Variants in ASB15 observed in about 807,000 individuals in gnomAD.
The protein encoded by ASB15 is ankyrin repeat and SOCS box containing 15.
ASB15 carries 54 observed loss-of-function variants against 58.0 expected under a neutral mutation model. That is an observed-to-expected ratio of 0.93 (90% CI 0.75 to 1.17). The LOEUF (loss-of-function observed/expected upper bound fraction) is 1.17. Among genes scored for constraint, ASB15 ranks in the 50% most tolerant of loss-of-function variants. The pLI is 0.00. For missense variants in ASB15, 680 were observed against 707.4 expected, an observed-to-expected ratio of 0.96 and a Z score of 0.44; for synonymous variants, 249 against 262.4, an observed-to-expected ratio of 0.95 and a Z score of 0.50.
At chr7:123,573,736 C>A (rs1798981278) in intron 1 of ASB15, among the ~76,000 whole-genome samples, 1 of 152,034 alleles carries the variant, frequency 6.6e-6, no homozygotes, top group African/African-American at 2.4e-5. Context: ...TTCCCATTAT[C>A]CAGAAAGTCT....
intron 10 of ASB15, 54 bp from the exon 11 acceptor site, chr7:123,629,912 T>G: frequency 1.7e-6 from 2 of 1,183,408 alleles, no homozygotes; most frequent in Non-Finnish European, 2.3e-6. Flanking sequence ...AATTGAGTGT[T>G]TATGTATATG....
At chr7:123,602,082 A>G (rs561052117) in intron 1 of ASB15, among the ~76,000 whole-genome samples, 168 bp downstream of exon 1, 15 of 152,120 alleles carry the variant, frequency 9.9e-5, no homozygotes, top group Non-Finnish European at 1.8e-4. Context: ...TTAATTAGAG[A>G]CTAAAGCTAG....
rs144940406 is a variant in ASB15, at chr7:123,578,582, AT to A, written c.-443+11499del. Among the ~76,000 whole-genome samples, 1,226 of 152,082 alleles carry A rather than the reference AT, an allele frequency of 8.1e-3. 15 individuals are homozygous for A. The highest frequency in any genetic ancestry group is 0.028 in the African/African-American group (1,144 of 41,486). On this transcript the variant is annotated intron_variant, in intron 1 of 13. Transcript: ENST00000451558. ...TTCTAACTATTATCACCAGACTGATATTTTTCCTTATTATGGAGACCTTTGC... is the reference window on the plus strand; with the variant it reads ...TTCTAACTATTATCACCAGACTGATATTTTCCTTATTATGGAGACCTTTGC...
chr7:123,633,646 C>A (rs760537349), intron 11 of ASB15, among the ~76,000 whole-genome samples: 3 of 152,114 alleles, frequency 2.0e-5, no homozygotes, highest in Non-Finnish European at 4.4e-5. Flanking sequence ...CGCGCGCGCA[C>A]GTGCGTCTGT....
intron 7 of ASB15, chr7:123,620,084 A>G (rs1190162194): frequency 6.6e-6 from 1 of 152,084 alleles, no homozygotes; most frequent in African/African-American, 2.4e-5. Context: ...GTTGCTCCCA[A>G]CGTCGCCATT....
intron 1 of ASB15, among the ~76,000 whole-genome samples, chr7:123,595,047 C>A (rs1441285029): frequency 6.6e-6 from 1 of 152,222 alleles, no homozygotes; most frequent in African/African-American, 2.4e-5. Flanking sequence ...TCCAGCATCC[C>A]AGGTCGATCT....
intron 11 of ASB15, 30 bp from the exon 12 acceptor site, chr7:123,636,779 T>G (rs1165722061): frequency 1.9e-6 from 3 of 1,572,942 alleles, no homozygotes; most frequent in South Asian, 1.1e-5. Flanking sequence ...TTTAAAAAAT[T>G]TTTTTGCTTA....
chr7:123,586,629 A>G (rs898136114), intron 1 of ASB15, among the ~76,000 whole-genome samples: 1 of 151,680 alleles, frequency 6.6e-6, no homozygotes, highest in African/African-American at 2.4e-5. Flanking sequence ...AATTATTGCC[A>G]AGTCCATTGT....
chr7:123,578,989 C>T (rs982475239), intron 1 of ASB15, among the ~76,000 whole-genome samples: 3 of 152,028 alleles, frequency 2.0e-5, no homozygotes, highest in Admixed American at 6.6e-5. Flanking sequence ...GTTTGGGCTT[C>T]TATTGAACCC....
chr7:123,632,057 G>A (rs969967058), intron 11 of ASB15, among the ~76,000 whole-genome samples: 7 of 152,050 alleles, frequency 4.6e-5, no homozygotes, highest in African/African-American at 1.7e-4. Context: ...CAGCCTGGGC[G>A]ACAGAGCGAG....
At chr7:123,586,177 G>C (rs1202523757) in intron 1 of ASB15, among the ~76,000 whole-genome samples, 1 of 151,634 alleles carries the variant, frequency 6.6e-6, no homozygotes, top group Non-Finnish European at 1.5e-5. Context: ...ATGGCTGTAC[G>C]AATTTACTTT....
At position 123,637,824 on chromosome 7, in the gene ASB15, T is replaced by TCATGAAC. The variant is rs1802494939; in HGVS notation, c.*844_*850dup. Reference sequence around the variant, plus strand: ...TCCTGACCTATGTAGACAATTGGCCTCATGAACATTTGAACACAAAGACAC... The same window carrying TCATGAAC: ...TCCTGACCTATGTAGACAATTGGCCTCATGAACCATGAACATTTGAACACAAAGACAC... On this transcript the variant is annotated 3_prime_UTR_variant, in exon 12 of 12. Transcript: ENST00000451215. 1 of 131,960 alleles carries TCATGAAC rather than the reference T, an allele frequency of 7.6e-6. No individual in the cohort carries two copies. Among genetic ancestry groups the TCATGAAC allele is most frequent in the South Asian group, 2.6e-4 (1 of 3,788 alleles). 8.2% of individuals were successfully genotyped at this position (131,960 alleles called of 1,614,324 possible).
intron 1 of ASB15, among the ~76,000 whole-genome samples, chr7:123,595,243 ACCCAAGCTTTTAT>A (rs1051872344): frequency 6.6e-6 from 1 of 152,136 alleles, no homozygotes; most frequent in African/African-American, 2.4e-5. Context: ...TTGTAATAAA[ACCCAAGCTTTTAT>A]CCATGGCCCA....
intron 1 of ASB15, among the ~76,000 whole-genome samples, chr7:123,578,424 C>T (rs1349486837): frequency 2.6e-5 from 4 of 151,922 alleles, no homozygotes; most frequent in African/African-American, 9.7e-5. Flanking sequence ...TTTGTCCAGA[C>T]TGTGAACATA....
intron 10 of ASB15, among the ~76,000 whole-genome samples, chr7:123,629,715 T>C (rs147389254): frequency 4.7e-4 from 72 of 152,260 alleles, no homozygotes; most frequent in African/African-American, 1.7e-3. Flanking sequence ...TGGTAGAATA[T>C]TGGGGCCAGA....
chr7:123,635,716 G>A (rs2116693736), intron 11 of ASB15, among the ~76,000 whole-genome samples: 1 of 148,612 alleles, frequency 6.7e-6, no homozygotes, highest in Middle Eastern at 3.6e-3. Context: ...TAGAGTCGAA[G>A]CCAGTTGATT....
At chr7:123,611,833 G>C (rs1800482209) in intron 3 of ASB15, among the ~76,000 whole-genome samples, 1 of 152,022 alleles carries the variant, frequency 6.6e-6, no homozygotes, top group Non-Finnish European at 1.5e-5. Context: ...TTCATCTCAA[G>C]CTTTCAGGAA....
intron 1 of ASB15, among the ~76,000 whole-genome samples, chr7:123,578,067 G>A (rs542667967): frequency 6.8e-6 from 1 of 146,294 alleles, no homozygotes; most frequent in Non-Finnish European, 1.5e-5. Context: ...GACAGGCCCC[G>A]GTGTGTGAAG....
At chr7:123,584,452 A>G (rs1003994976) in intron 1 of ASB15, among the ~76,000 whole-genome samples, 2 of 151,964 alleles carry the variant, frequency 1.3e-5, no homozygotes, top group Non-Finnish European at 2.9e-5. Context: ...GTCAAACCTA[A>G]GAACAACTGC....
Sources: gnomAD v4.1 joint callset for allele counts (sites outside exome capture counted in the v4.1 genomes callset) on GRCh38, gnomAD v4.1.1 for gene constraint, MANE v1.5 for transcripts, NCBI Gene and HGNC (gene_info 2026-07-23, HGNC 2026-07-21) for gene names.